The following NRG1 variants were observed in gnomAD, a reference collection of about 807,000 sequenced individuals.
The protein encoded by NRG1 is neuregulin 1.
A neutral mutation model predicts 63.8 loss-of-function variants in NRG1; 18 were observed. The ratio of observed to expected loss-of-function variants is 0.28; its 90% CI spans 0.19 to 0.42. The LOEUF is 0.42. Ranked by LOEUF, NRG1 falls within the 10% of genes least tolerant of loss-of-function variation. The pLI is 1.00. For synonymous variants in NRG1, 302 were observed against 301.3 expected, an observed-to-expected ratio of 1.00 and a Z score of -0.02; for missense variants, 762 against 814.7, an observed-to-expected ratio of 0.94 and a Z score of 0.79.
At chr8:32,538,330 C>G (rs1437808060) in intron 1 of NRG1, among the ~76,000 whole-genome samples, 1 of 152,124 alleles carries the variant, frequency 6.6e-6, no homozygotes, top group Non-Finnish European at 1.5e-5. Context: ...TTTCAGAAAT[C>G]AAGATCAAGG....
intron 1 of NRG1, among the ~76,000 whole-genome samples, chr8:32,237,262 A>C (rs1847659251): frequency 6.6e-6 from 1 of 152,158 alleles, no homozygotes; most frequent in Non-Finnish European, 1.5e-5. Context: ...ACATATTGCA[A>C]AGCTCTATAT....
intron 1 of NRG1, among the ~76,000 whole-genome samples, chr8:31,883,151 G>T (rs1197112577): frequency 6.6e-6 from 1 of 152,032 alleles, no homozygotes; most frequent in Non-Finnish European, 1.5e-5. Context: ...AGCCATCTCA[G>T]ACTTCAGCAA....
intron 1 of NRG1, among the ~76,000 whole-genome samples, chr8:31,685,813 A>G (rs1288897054): frequency 1.3e-5 from 2 of 152,258 alleles, no homozygotes; most frequent in Non-Finnish European, 2.9e-5. Flanking sequence ...AGATTCATCC[A>G]TGTTGTAGTG....
chr8:32,251,816 G>T (rs981053118), intron 1 of NRG1, among the ~76,000 whole-genome samples: 2 of 151,614 alleles, frequency 1.3e-5, no homozygotes, highest in South Asian at 4.2e-4. Flanking sequence ...ATGATGAGTT[G>T]CGTTTCTCTA....
Position 32,406,072 on chromosome 8 carries a change from A to T in NRG1, c.38-189756A>T, listed in dbSNP as rs550450162. 1.4e-3 allele frequency among the ~76,000 whole-genome samples: 217 copies of T among 152,290 alleles called. 1 individual carries two copies. Among genetic ancestry groups the T allele is most frequent in the African/African-American group, 5.0e-3 (208 of 41,560 alleles). ...TTGTTAGCTCTGTCCTAAATCTCTG[A>T]ATTTGGAGAAGGAAACCCTGGATTT... On this transcript the variant is annotated intron_variant, in intron 1 of 10. Transcript: ENST00000519301.
intron 1 of NRG1, among the ~76,000 whole-genome samples, chr8:32,306,570 T>G (rs1856206411): frequency 6.6e-6 from 1 of 152,216 alleles, no homozygotes. Context: ...CACTGTGGTT[T>G]ATTAAAGAAT....
chr8:32,224,372 CTT>C lies in NRG1; in HGVS notation c.38-371455_38-371454del, dbSNP rs576417651. ...TCCAGCCCCTGTGAGATTGCATCCT[CTT>C]AGACTGAATGCCTAGGAGTCTCACT... On this transcript the variant is annotated intron_variant, in intron 1 of 10. Coordinates refer to the NRG1 transcript ENST00000519301. Among the ~76,000 whole-genome samples the C allele has an allele frequency of 3.6e-3, 545 of 152,266 alleles. 2 individuals are homozygous for C. The highest frequency in any genetic ancestry group is 6.8e-3 in the Middle Eastern group (2 of 292).
chr8:32,337,084 A>C (rs755353150), intron 1 of NRG1, among the ~76,000 whole-genome samples: 2 of 152,270 alleles, frequency 1.3e-5, no homozygotes, highest in African/African-American at 4.8e-5. Context: ...ATCATAGCCC[A>C]CTATAATCTC....
chr8:32,721,123 T>C (rs531426307), intron 5 of NRG1, among the ~76,000 whole-genome samples: 1 of 152,340 alleles, frequency 6.6e-6, no homozygotes, highest in East Asian at 1.9e-4. Flanking sequence ...AATTCACTTA[T>C]GTGACCTTGG....
chr8:31,828,196 T>G (rs1054402265), intron 1 of NRG1, among the ~76,000 whole-genome samples: 1 of 152,346 alleles, frequency 6.6e-6, no homozygotes. Context: ...TGATGTGTAT[T>G]TATGGCATTA....
chr8:31,745,171 T>C (rs573223850), intron 1 of NRG1, among the ~76,000 whole-genome samples: 1 of 152,050 alleles, frequency 6.6e-6, no homozygotes, highest in Admixed American at 6.6e-5. Flanking sequence ...TGCTTTTATT[T>C]TATGACTATT....
At chr8:31,845,275 C>T (rs1826584030) in intron 1 of NRG1, among the ~76,000 whole-genome samples, 1 of 152,040 alleles carries the variant, frequency 6.6e-6, no homozygotes, top group Non-Finnish European at 1.5e-5. Flanking sequence ...TATTAGTAGT[C>T]TCCAGGGTTC....
intron 3 of NRG1, among the ~76,000 whole-genome samples, chr8:32,606,450 C>G (rs1241822737): frequency 6.6e-6 from 1 of 151,920 alleles, no homozygotes; most frequent in African/African-American, 2.4e-5. Context: ...AAATGAATGA[C>G]TTAGAGGTAA....
intron 1 of NRG1, among the ~76,000 whole-genome samples, chr8:31,815,745 C>T (rs772368354): frequency 3.3e-5 from 5 of 152,136 alleles, no homozygotes; most frequent in Non-Finnish European, 7.3e-5. Flanking sequence ...GCATTCTCGC[C>T]AAAATTTGTT....
At chr8:31,692,957 C>T (rs886898695) in intron 1 of NRG1, among the ~76,000 whole-genome samples, 2 of 152,066 alleles carry the variant, frequency 1.3e-5, no homozygotes, top group Non-Finnish European at 2.9e-5. Context: ...CTGGGTTGGA[C>T]GATTACCCAA....
chr8:32,662,407 G>GGCCT (rs1381415452), intron 5 of NRG1, among the ~76,000 whole-genome samples: 5 of 152,078 alleles, frequency 3.3e-5, no homozygotes, highest in African/African-American at 1.2e-4. Context: ...AGGTGATGAA[G>GGCCT]GCCTGATCAG....
chr8:31,820,827 A>T (rs1349689461), intron 1 of NRG1, among the ~76,000 whole-genome samples: 1 of 152,202 alleles, frequency 6.6e-6, no homozygotes, highest in Non-Finnish European at 1.5e-5. Flanking sequence ...ATTCCAATTC[A>T]TGCTGTCTGG....
At chr8:32,740,677 A>C (rs1826116909) in intron 6 of NRG1, among the ~76,000 whole-genome samples, 1 of 152,182 alleles carries the variant, frequency 6.6e-6, no homozygotes, top group African/African-American at 2.4e-5. Flanking sequence ...ACAGGGCAAA[A>C]AATCTGAAAC....
At chr8:32,630,394 G>A (rs1313148394) in intron 5 of NRG1, among the ~76,000 whole-genome samples, 5 of 152,142 alleles carry the variant, frequency 3.3e-5, no homozygotes, top group Non-Finnish European at 7.4e-5. Context: ...TAAAAATAAT[G>A]CCACAAACTT....
Sources: gnomAD v4.1 joint callset for allele counts (sites outside exome capture counted in the v4.1 genomes callset) on GRCh38, gnomAD v4.1.1 for gene constraint, MANE v1.5 for transcripts, NCBI Gene and HGNC (gene_info 2026-07-23, HGNC 2026-07-21) for gene names.